The following NACC2 variants were observed in gnomAD, a reference collection of about 807,000 sequenced individuals.
NACC2 encodes nucleus accumbens-associated protein 2.
Under a neutral mutation model 25.1 loss-of-function variants are expected in NACC2, and 8 were observed. The ratio of observed to expected loss-of-function variants is 0.32; its 90% CI spans 0.19 to 0.57. NACC2 has a LOEUF of 0.57. Among genes scored for constraint, NACC2 ranks in the 20% least tolerant of loss-of-function variants. The probability of loss-of-function intolerance (pLI) is 0.89; values close to 1 mark genes in which losing one functional copy is unlikely to be tolerated. For synonymous variants in NACC2, 435 were observed against 294.7 expected, an observed-to-expected ratio of 1.48 and a Z score of -4.88; for missense variants, 644 against 650.2, an observed-to-expected ratio of 0.99 and a Z score of 0.10.
At chr9:136,045,576 G>T (rs959548187) in intron 2 of NACC2, among the ~76,000 whole-genome samples, 8 of 152,222 alleles carry the variant, frequency 5.3e-5, no homozygotes, top group Non-Finnish European at 1.2e-4. Context: ...AGGGGGTGTG[G>T]GCGCAGGTCC....
At chr9:136,076,879 G>A (rs185032615) in intron 1 of NACC2, among the ~76,000 whole-genome samples, 1,749 of 151,950 alleles carry the variant, frequency 0.012, 36 homozygotes, top group African/African-American at 0.039. Flanking sequence ...GCGTGGTGGC[G>A]GGCGCCTGTA....
chr9:136,083,225 C>T (rs1304770786), intron 1 of NACC2, among the ~76,000 whole-genome samples: 1 of 152,228 alleles, frequency 6.6e-6, no homozygotes, highest in Non-Finnish European at 1.5e-5. Flanking sequence ...TGGTGGGGGT[C>T]AGAGCCCCTG....
At chr9:136,075,885 T>A (rs1374935459) in intron 1 of NACC2, among the ~76,000 whole-genome samples, 1 of 152,174 alleles carries the variant, frequency 6.6e-6, no homozygotes, top group African/African-American at 2.4e-5. Flanking sequence ...GAACCCAGGC[T>A]TTCCTACAAA....
chr9:136,089,864 G>A (rs911721670), intron 1 of NACC2, among the ~76,000 whole-genome samples: 15 of 151,406 alleles, frequency 9.9e-5, no homozygotes, highest in Non-Finnish European at 1.8e-4. Context: ...CAAAGTTAAT[G>A]GACATGACAC....
At chr9:136,077,258 A>G (rs1242380877) in intron 1 of NACC2, among the ~76,000 whole-genome samples, 3 of 152,112 alleles carry the variant, frequency 2.0e-5, no homozygotes, top group African/African-American at 7.2e-5. Context: ...TTGAACCCGG[A>G]GGTGGAGGTT....
intron 2 of NACC2, among the ~76,000 whole-genome samples, chr9:136,038,059 G>A (rs1840579915): frequency 1.3e-5 from 2 of 152,176 alleles, no homozygotes; most frequent in African/African-American, 2.4e-5. Context: ...ATCTCAAAAT[G>A]TATTCAGATC....
At position 136,050,042 on chromosome 9, in the gene NACC2, G is replaced by T; in HGVS notation, c.480C>A (p.Val160=). 1 of 716,414 alleles carries T rather than the reference G, an allele frequency of 1.4e-6. No individual in the cohort carries two copies. The allele number at this position is 716,414 out of a possible 1,614,324, so 44.4% of individuals were successfully genotyped here. The change falls in exon 2 of 6, where the codon GTC becomes GTA. Residue 160 remains valine, a synonymous_variant. Coordinates refer to ENST00000277554, the MANE Select transcript of NACC2 (RefSeq NM_144653.5). ...QPAAAAAAPY[V]VSPSVPIPLL... The stretch of plus-strand genomic sequence containing the variant: ...GCGGGATGGGCACCGAGGGGGACAC[G>T]ACGTAGGGGGCCGCGGCGGCGGCGG...
intron 1 of NACC2, among the ~76,000 whole-genome samples, chr9:136,063,190 G>A (rs189883704): frequency 2.6e-5 from 4 of 152,276 alleles, no homozygotes; most frequent in East Asian, 1.9e-4. Flanking sequence ...ATTACGTGGC[G>A]GGGACCAGGG....
intron 2 of NACC2, among the ~76,000 whole-genome samples, chr9:136,047,938 C>A (rs1840754402): frequency 6.6e-6 from 1 of 152,190 alleles, no homozygotes; most frequent in Admixed American, 6.5e-5. Context: ...CCAAACACAC[C>A]AAGGCCCAAG....
intron 1 of NACC2, among the ~76,000 whole-genome samples, chr9:136,064,288 C>CA (rs1461157188): frequency 3.3e-5 from 5 of 151,344 alleles, no homozygotes; most frequent in South Asian, 2.1e-4. Context: ...GGCCCTGCCT[C>CA]AAAAAAAAGA....
Position 136,011,459 on chromosome 9 carries a change from A to C in NACC2, c.*57T>G. 1 of 1,317,320 alleles carries C rather than the reference A, an allele frequency of 7.6e-7. No individual in the cohort carries two copies. The highest frequency in any genetic ancestry group is 9.7e-7 in the Non-Finnish European group (1 of 1,033,482). The allele number at this position is 1,317,320 out of a possible 1,614,324, so 81.6% of individuals were successfully genotyped here. A position where few individuals can be genotyped will look rare whatever the true frequency, so the allele number is the denominator to read the frequency against. ...TGGCTTGATCACATTTGTTTGTATTAGTAACGCATGCAAGCAGCTCTAGTA... is the reference window on the plus strand; with the variant it reads ...TGGCTTGATCACATTTGTTTGTATTCGTAACGCATGCAAGCAGCTCTAGTA... On this transcript the variant is annotated 3_prime_UTR_variant, in exon 6 of 6. Transcript: ENST00000277554.
chr9:136,023,376 T>A (rs1045109746), intron 2 of NACC2, among the ~76,000 whole-genome samples: 40 of 151,884 alleles, frequency 2.6e-4, no homozygotes, highest in Admixed American at 2.1e-3. Context: ...GAACGTGGGA[T>A]CCCCGAGTGA....
chr9:136,046,424 C>T (rs942853560), intron 2 of NACC2, among the ~76,000 whole-genome samples: 5 of 152,230 alleles, frequency 3.3e-5, no homozygotes, highest in Non-Finnish European at 5.9e-5. Flanking sequence ...CCGAGGCTGC[C>T]GGCCACAGGG....
intron 1 of NACC2, among the ~76,000 whole-genome samples, chr9:136,063,643 G>T (rs1481165492): frequency 6.6e-6 from 1 of 152,190 alleles, no homozygotes; most frequent in African/African-American, 2.4e-5. Context: ...CAGCACTTGG[G>T]AGGCCAAGGC....
At chr9:136,045,509 C>T (rs935859373) in intron 2 of NACC2, among the ~76,000 whole-genome samples, 44 of 152,328 alleles carry the variant, frequency 2.9e-4, no homozygotes, top group African/African-American at 1.0e-3. Flanking sequence ...TCTGCCCGCC[C>T]GAAGCCACTG....
rs1223401651 is a variant in NACC2, at chr9:136,050,342, G to A, written c.180C>T (p.Ser60=). 2 of 743,502 alleles carry A rather than the reference G, an allele frequency of 2.7e-6. No individual in the cohort carries two copies. The highest frequency in any genetic ancestry group is 5.1e-5 in the East Asian group (2 of 39,330). The allele number at this position is 743,502 out of a possible 1,614,324, so 46.1% of individuals were successfully genotyped here. A position where few individuals can be genotyped will look rare whatever the true frequency, so the allele number is the denominator to read the frequency against. ...GCTCGAAGGCGCTCTTGCTGTTGCCGCTGAACAGGTCGCGGAAGTAGAGGC... is the reference window on the plus strand; with the variant it reads ...GCTCGAAGGCGCTCTTGCTGTTGCCACTGAACAGGTCGCGGAAGTAGAGGC... ...ASSLYFRDLF[S]GNSKSAFELP... The change falls in exon 2 of 6, where the codon AGC becomes AGT. Residue 60 remains serine (S), a synonymous_variant. Transcript: ENST00000277554.
rs1413609206 is a variant in NACC2 at position 136,022,581 on chromosome 9, T to C, written c.887-6152A>G. Among the ~76,000 whole-genome samples the C allele has an allele frequency of 6.6e-6, 1 of 152,184 alleles. No homozygotes were observed. The highest frequency in any genetic ancestry group is 6.5e-5 in the Admixed American group (1 of 15,278). On this transcript the variant is annotated intron_variant, in intron 2 of 5. Transcript: ENST00000277554. The surrounding 1 kb of genome is among the most constrained non-coding windows in gnomAD (Gnocchi z 4.4). Reference sequence around the variant, plus strand: ...GGGTGGGTCCATGGTCCCAGCTCGCTGCCTCCTGGCCAGTGAGCCTGTTCT... The same window carrying C: ...GGGTGGGTCCATGGTCCCAGCTCGCCGCCTCCTGGCCAGTGAGCCTGTTCT...
At chr9:136,071,120 C>A (rs1322589493) in intron 1 of NACC2, among the ~76,000 whole-genome samples, 2 of 151,664 alleles carry the variant, frequency 1.3e-5, no homozygotes, top group Non-Finnish European at 2.9e-5. Context: ...GTAATCCCAG[C>A]TACTCGGGAG....
intron 1 of NACC2, among the ~76,000 whole-genome samples, chr9:136,058,246 G>A (rs944822631): frequency 1.3e-5 from 2 of 152,192 alleles, no homozygotes; most frequent in Non-Finnish European, 2.9e-5. Flanking sequence ...CCCTGCCTTT[G>A]CCCCAAAGGG....
Sources: gnomAD v4.1 joint callset for allele counts (sites outside exome capture counted in the v4.1 genomes callset) on GRCh38, gnomAD v4.1.1 for gene constraint, Gnocchi (gnomAD v3.1) non-coding constraint, MANE v1.5 for transcripts, NCBI Gene and HGNC (gene_info 2026-07-23, HGNC 2026-07-21) for gene names.